Variants in RXFP2 observed in about 807,000 individuals in gnomAD.
The protein encoded by RXFP2 is relaxin family peptide receptor 2.
RXFP2 carries 68 observed loss-of-function variants against 88.6 expected under a neutral mutation model. The ratio of observed to expected loss-of-function variants is 0.77; its 90% CI spans 0.63 to 0.94. RXFP2 has a LOEUF of 0.94. Ranked by LOEUF, RXFP2 falls within the 40% of genes least tolerant of loss-of-function variation. The pLI, the probability that RXFP2 is intolerant of heterozygous loss-of-function variation, is 0.00. For synonymous variants in RXFP2, 329 were observed against 306.8 expected (o/e 1.07, Z -0.76); for missense variants, 791 against 893.9 (o/e 0.88, Z 1.47).
chr13:31,771,363 A>G (rs1872728916), intron 5 of RXFP2, among the ~76,000 whole-genome samples: 1 of 152,210 alleles, frequency 6.6e-6, no homozygotes, highest in African/African-American at 2.4e-5. Context: ...CAGCAGTGGC[A>G]TTAGATTCTC....
chr13:31,753,342 C>T (rs539813572), intron 1 of RXFP2, among the ~76,000 whole-genome samples: 23 of 152,208 alleles, frequency 1.5e-4, no homozygotes, highest in African/African-American at 4.6e-4. Flanking sequence ...GCCATCTAAA[C>T]GTCATTTTAA....
chr13:31,744,693 C>A lies in RXFP2; in HGVS notation c.94+4987C>A, dbSNP rs145990370. On this transcript the variant is annotated intron_variant, in intron 1 of 17. Transcript: ENST00000298386. ...CTTTTCTCTGATTCCAGTTTATTTT[C>A]TATTCAATTGCTAGGTTTGTTTTTG... 9.2e-3 allele frequency among the ~76,000 whole-genome samples: 1,349 copies of A among 146,536 alleles called. 28 individuals carry two copies. Among genetic ancestry groups the A allele is most frequent in the African/African-American group, 0.032 (1,293 of 39,850 alleles).
chr13:31,756,246 A>G (rs1871941456), intron 1 of RXFP2, among the ~76,000 whole-genome samples: 1 of 152,220 alleles, frequency 6.6e-6, no homozygotes, highest in Non-Finnish European at 1.5e-5. Flanking sequence ...TGAAGGGCTC[A>G]GGCCTCACAA....
At chr13:31,760,720 A>G (rs1348998150) in intron 2 of RXFP2, among the ~76,000 whole-genome samples, 1 of 152,224 alleles carries the variant, frequency 6.6e-6, no homozygotes, top group Admixed American at 6.5e-5. Context: ...ACTGTGGGCA[A>G]TTATTTTAAT....
chr13:31,781,590 T>G, intron 9 of RXFP2, 81 bp from the exon 10 acceptor site: 1 of 1,008,040 alleles, frequency 9.9e-7, no homozygotes, highest in South Asian at 1.4e-5. Flanking sequence ...AAAATAAACT[T>G]GATAACCATT....
chr13:31,771,511 C>G (rs1314865132), intron 5 of RXFP2, among the ~76,000 whole-genome samples: 2 of 152,114 alleles, frequency 1.3e-5, no homozygotes, highest in African/African-American at 4.8e-5. Flanking sequence ...GAAAAATTGG[C>G]CAGGCACAGT....
rs200939717 is a variant in RXFP2, at chr13:31,789,108, T to C, written c.1074-14T>C. Reference sequence around the variant, plus strand: ...CATCTCAACACCATTAAACCTATCGTGTGTATTTTCCAGAGACCTGGAAAG... The same window carrying C: ...CATCTCAACACCATTAAACCTATCGCGTGTATTTTCCAGAGACCTGGAAAG... On this transcript the variant is annotated splice_polypyrimidine_tract_variant and intron_variant, in intron 13 of 17. Transcript: ENST00000298386. 269 of 1,540,100 alleles carry C rather than the reference T, an allele frequency of 1.7e-4. No homozygotes were observed. Among genetic ancestry groups the C allele is most frequent in the Non-Finnish European group, 2.3e-4 (255 of 1,114,262 alleles).
At chr13:31,773,728 G>T (rs1872817255) in intron 5 of RXFP2, among the ~76,000 whole-genome samples, 1 of 152,126 alleles carries the variant, frequency 6.6e-6, no homozygotes, top group Admixed American at 6.5e-5. Context: ...AAAATTCACA[G>T]TATAGCCAGA....
At chr13:31,780,722 G>A (rs1291947057) in intron 9 of RXFP2, among the ~76,000 whole-genome samples, 1 of 152,226 alleles carries the variant, frequency 6.6e-6, no homozygotes, top group African/African-American at 2.4e-5. Context: ...GGGAATGTCA[G>A]AGTGTTCCGG....
rs1457904142 is a variant in RXFP2, at chr13:31,767,772, A to G, written c.497+1745A>G. Reference sequence around the variant, plus strand: ...AAGGTAGTGCTTACTTTACCATAACAGGAAACCTTAAGAGGGAAAGAAATA... The same window carrying G: ...AAGGTAGTGCTTACTTTACCATAACGGGAAACCTTAAGAGGGAAAGAAATA... On this transcript the variant is annotated intron_variant, in intron 5 of 17. Transcript: ENST00000298386. Among the ~76,000 whole-genome samples, 19 of 152,344 alleles carry G rather than the reference A, an allele frequency of 1.2e-4. No homozygotes were observed. The East Asian group carries it at 3.7e-3, about 29-fold the overall frequency.
chr13:31,744,647 A>T (rs1207356296), intron 1 of RXFP2, among the ~76,000 whole-genome samples: 3 of 152,140 alleles, frequency 2.0e-5, no homozygotes, highest in African/African-American at 7.2e-5. Context: ...GATGAAGGAA[A>T]GATAATTTTA....
At chr13:31,753,773 A>C (rs1871786283) in intron 1 of RXFP2, among the ~76,000 whole-genome samples, 1 of 152,166 alleles carries the variant, frequency 6.6e-6, no homozygotes, top group Admixed American at 6.5e-5. Flanking sequence ...TGCTTTGGGA[A>C]GCTTAAATTT....
At chr13:31,747,239 A>G (rs892482775) in intron 1 of RXFP2, among the ~76,000 whole-genome samples, 2 of 152,152 alleles carry the variant, frequency 1.3e-5, no homozygotes, top group Admixed American at 6.5e-5. Context: ...TCAAAATTAT[A>G]TGGGCCACCT....
At chr13:31,740,761 C>T (rs752118808) in intron 1 of RXFP2, among the ~76,000 whole-genome samples, 1 of 151,986 alleles carries the variant, frequency 6.6e-6, no homozygotes, top group Non-Finnish European at 1.5e-5. Context: ...ATGCACCTAG[C>T]ATGACTTTTA....
chr13:31,768,944 T>C lies in RXFP2; in HGVS notation c.497+2917T>C, dbSNP rs374795320. ...AACCATCCCCAGGAAGGGATGTCAG[T>C]TGGAGGAAGAAACCAGATGGGCCTC... On this transcript the variant is annotated intron_variant, in intron 5 of 17. Transcript: ENST00000298386. 1.6e-4 allele frequency among the ~76,000 whole-genome samples: 24 copies of C among 152,264 alleles called. 1 individual carries two copies. The highest frequency in any genetic ancestry group is 5.5e-4 in the African/African-American group (23 of 41,538).
rs570213764 is a variant in RXFP2 at position 31,788,131 on chromosome 13, C to T, written c.1074-991C>T. Among the ~76,000 whole-genome samples, 10 of 123,046 alleles carry T rather than the reference C, an allele frequency of 8.1e-5. No homozygotes were observed. In the South Asian group the frequency reaches 2.2e-3, roughly 27 times the overall value. The allele number at this position is 123,046 out of a possible 152,430, so 80.7% of individuals were successfully genotyped here. A position where few individuals can be genotyped will look rare whatever the true frequency, so the allele number is the denominator to read the frequency against. On this transcript the variant is annotated intron_variant, in intron 13 of 17. Transcript: ENST00000298386. ...AAACTGTGTAAGTCAAGGACAGAGC[C>T]AGAGAGAAAAAAAAAAAAAGGAAAA...
At chr13:31,784,978 T>A (rs1873458081) in intron 11 of RXFP2, among the ~76,000 whole-genome samples, 1 of 152,226 alleles carries the variant, frequency 6.6e-6, no homozygotes, top group Admixed American at 6.5e-5. Context: ...GACAGAATAA[T>A]CATTCCATAA....
In RXFP2 at chr13:31,802,306, A is replaced by G. The variant is rs1223192039; in HGVS notation, c.2166A>G (p.Leu722=). 6.2e-7 allele frequency: 1 copy of G among 1,613,394 alleles called. No individual in the cohort carries two copies. The highest frequency in any genetic ancestry group is 8.5e-7 in the Non-Finnish European group (1 of 1,179,520). Residue 722 remains leucine (L), a synonymous_variant, in exon 18 of 18, where the codon TTA becomes TTG. Transcript: ENST00000298386. ...KSIFKIKKKS[L]STSIVWIEDS... Reference sequence around the variant, plus strand: ...TTTTCAAAATTAAAAAAAAAAGTTTATCTACATCCATTGTGTGGATAGAGG... The same window carrying G: ...TTTTCAAAATTAAAAAAAAAAGTTTGTCTACATCCATTGTGTGGATAGAGG...
chr13:31,770,363 T>A (rs1384697332), intron 5 of RXFP2, among the ~76,000 whole-genome samples: 1 of 152,226 alleles, frequency 6.6e-6, no homozygotes, highest in Non-Finnish European at 1.5e-5. Context: ...CCTCAGCAAC[T>A]GATCATAATT....
Sources: gnomAD v4.1 joint callset for allele counts (sites outside exome capture counted in the v4.1 genomes callset) on GRCh38, gnomAD v4.1.1 for gene constraint, MANE v1.5 for transcripts, NCBI Gene and HGNC (gene_info 2026-07-23, HGNC 2026-07-21) for gene names.